Variants in UBA6 observed in about 807,000 individuals in gnomAD.
The protein encoded by UBA6 is ubiquitin like modifier activating enzyme 6.
UBA6 carries 87 observed loss-of-function variants against 148.3 expected under a neutral mutation model. The ratio of observed to expected loss-of-function variants is 0.59; its 90% CI spans 0.49 to 0.70. UBA6 has a LOEUF of 0.70. UBA6 is among the 30% of genes least tolerant of loss of function. The pLI is 0.00. For missense variants in UBA6, 1,186 were observed against 1,241.2 expected (o/e 0.96, Z 0.67); for synonymous variants, 376 against 401.0 (o/e 0.94, Z 0.75).
chr4:67,690,956 A>G (rs2109958201), intron 2 of UBA6, among the ~76,000 whole-genome samples: 1 of 152,288 alleles, frequency 6.6e-6, no homozygotes, highest in East Asian at 1.9e-4. Flanking sequence ...TTATTTCTCC[A>G]AAAGAATTAG....
At position 67,617,835 on chromosome 4, in the gene UBA6, G is replaced by T. The variant is rs1414423556; in HGVS notation, c.*1162C>A. 2 of 151,822 alleles carry T rather than the reference G, an allele frequency of 1.3e-5. No homozygotes were observed. The highest frequency in any genetic ancestry group is 3.9e-4 in the East Asian group (2 of 5,184). 9.4% of individuals were successfully genotyped at this position (151,822 alleles called of 1,614,324 possible). On this transcript the variant is annotated 3_prime_UTR_variant, in exon 33 of 33. Coordinates refer to ENST00000322244, the MANE Select transcript of UBA6 (RefSeq NM_018227.6). ...ATGCATGACAGTCTTAGTAATAAAA[G>T]AATCATTTACTATTTTCACTGAGTT...
chr4:67,696,111 C>G (rs1357941340), intron 2 of UBA6, among the ~76,000 whole-genome samples: 1 of 151,588 alleles, frequency 6.6e-6, no homozygotes, highest in Non-Finnish European at 1.5e-5. Context: ...CTATAAATTA[C>G]AGAACAGGAA....
rs1419319002 is a variant in UBA6 at position 67,632,878 on chromosome 4, A to G, written c.2142+467T>C. On this transcript the variant is annotated intron_variant, in intron 23 of 32. Coordinates refer to ENST00000322244, the MANE Select transcript of UBA6 (RefSeq NM_018227.6). The stretch of plus-strand genomic sequence containing the variant: ...GGAAGATGAACTTAAGATCCTAAAG[A>G]GAGGGAAAGACTAAAGAGAAGGCAA... Among the ~76,000 whole-genome samples, 4 of 152,248 alleles carry G rather than the reference A, an allele frequency of 2.6e-5. No individual in the cohort carries two copies. In the East Asian group the frequency reaches 7.7e-4, roughly 29 times the overall value.
intron 22 of UBA6, 87 bp downstream of exon 22, chr4:67,634,155 G>A (rs2109904568): frequency 2.4e-6 from 2 of 839,134 alleles, no homozygotes; most frequent in Non-Finnish European, 3.6e-6. Flanking sequence ...CTTTATGGAG[G>A]TAAAATAAAT....
In UBA6 at chr4:67,634,261, G is replaced by A; in HGVS notation, c.1994C>T (p.Ser665Phe). Residue 665 changes from serine (S) to phenylalanine (F), a missense_variant, in exon 22 of 33, where the codon TCT (serine) becomes TTT (phenylalanine). Physicochemically the swap from Ser to Phe is radical, Grantham distance 155. Coordinates refer to ENST00000322244, the MANE Select transcript of UBA6 (RefSeq NM_018227.6). ...LFNKFWQTYSSAEEVLQKIQS... is the reference protein window; with the variant it reads ...LFNKFWQTYSFAEEVLQKIQS... ...TTTTACCTGTAAGACTTCTTCTGCA[G>A]ATGAATAGGTTTGCCAAAATTTGTT... The A allele has an allele frequency of 6.3e-7, 1 of 1,596,032 alleles. No homozygotes were observed. The highest frequency in any genetic ancestry group is 1.2e-5 in the South Asian group (1 of 86,282).
At chr4:67,668,441 G>A in intron 9 of UBA6, 110 bp downstream of exon 9, 1 of 1,007,774 alleles carries the variant, frequency 9.9e-7, no homozygotes, top group Non-Finnish European at 1.5e-6. Context: ...TTGAGGCCAA[G>A]GGCTTTGGAT....
At chr4:67,645,492 G>A (rs892364562) in intron 16 of UBA6, among the ~76,000 whole-genome samples, 3 of 151,942 alleles carry the variant, frequency 2.0e-5, no homozygotes, top group Non-Finnish European at 2.9e-5. Context: ...CCAGCTACTC[G>A]GGAGGCTGAG....
chr4:67,624,016 CA>C lies in UBA6; in HGVS notation c.2840+109del. 3.2e-6 allele frequency: 3 copies of C among 923,176 alleles called. No individual in the cohort carries two copies. The South Asian group carries it at 7.2e-5, about 22-fold the overall frequency. 57.2% of individuals were successfully genotyped at this position (923,176 alleles called of 1,614,324 possible). A position where few individuals can be genotyped will look rare whatever the true frequency, so the allele number is the denominator to read the frequency against. On this transcript the variant is annotated intron_variant, in intron 30 of 32. Coordinates refer to ENST00000322244, the MANE Select transcript of UBA6 (RefSeq NM_018227.6). Reference sequence around the variant, plus strand: ...ATCTTGAAGTGATGGCAAAAATTTACACATACACAATAGAAGAAAAAAGAGG... The same window carrying C: ...ATCTTGAAGTGATGGCAAAAATTTACCATACACAATAGAAGAAAAAAGAGG...
intron 5 of UBA6, 108 bp from the exon 6 acceptor site, chr4:67,677,830 C>T: frequency 1.8e-6 from 1 of 543,894 alleles, no homozygotes. Flanking sequence ...TACAAAATTT[C>T]AATGGAAACT....
rs1728569442 is a variant in UBA6, at chr4:67,613,193, C to T, written c.*5804G>A. ...ACTGGATCAAAATAATCCTAAATTA[C>T]TAATGCAGGTACCTGCCAGAAGCAA... On this transcript the variant is annotated 3_prime_UTR_variant, in exon 33 of 33. Coordinates refer to ENST00000322244, the MANE Select transcript of UBA6 (RefSeq NM_018227.6). The T allele has an allele frequency of 6.6e-6, 1 of 152,156 alleles. No individual in the cohort carries two copies. The highest frequency in any genetic ancestry group is 2.4e-5 in the African/African-American group (1 of 41,434). 9.4% of individuals were successfully genotyped at this position (152,156 alleles called of 1,614,324 possible). A position where few individuals can be genotyped will look rare whatever the true frequency, so the allele number is the denominator to read the frequency against.
chr4:67,654,505 C>G (rs543579559), intron 13 of UBA6, among the ~76,000 whole-genome samples: 50 of 152,228 alleles, frequency 3.3e-4, no homozygotes, highest in African/African-American at 1.2e-3. Context: ...TTTGTCACCA[C>G]CAGACCTGCC....
chr4:67,696,587 T>C (rs1341676699), intron 2 of UBA6, 58 bp downstream of exon 2: 1 of 1,367,474 alleles, frequency 7.3e-7, no homozygotes, highest in African/African-American at 1.4e-5. Context: ...AGAGACTACT[T>C]GATTATTTGA....
intron 12 of UBA6, 102 bp downstream of exon 12, chr4:67,663,037 G>T: frequency 1.4e-6 from 1 of 724,816 alleles, no homozygotes; most frequent in Non-Finnish European, 2.3e-6. Flanking sequence ...TATATCTATT[G>T]GTATTGTAAT....
rs546444847 is a variant in UBA6, at chr4:67,696,880, T to C, written c.72-173A>G. Among the ~76,000 whole-genome samples the C allele has an allele frequency of 1.7e-4, 26 of 152,374 alleles. No homozygotes were observed. In the South Asian group the frequency reaches 4.8e-3, roughly 28 times the overall value. ...GCCTGAAATTAAATTATCGGATTGCTTGTTCTATCCTGTGTAAATTTTAAG... is the reference window on the plus strand; with the variant it reads ...GCCTGAAATTAAATTATCGGATTGCCTGTTCTATCCTGTGTAAATTTTAAG... On this transcript the variant is annotated intron_variant, in intron 1 of 32. Coordinates refer to ENST00000322244, the MANE Select transcript of UBA6 (RefSeq NM_018227.6).
Position 67,632,403 on chromosome 4 carries a change from C to T in UBA6, c.2143-495G>A, listed in dbSNP as rs191282973. Among the ~76,000 whole-genome samples the T allele has an allele frequency of 3.9e-5, 6 of 152,146 alleles. No homozygotes were observed. The East Asian group carries it at 5.8e-4, about 15-fold the overall frequency. On this transcript the variant is annotated intron_variant, in intron 23 of 32. Coordinates refer to ENST00000322244, the MANE Select transcript of UBA6 (RefSeq NM_018227.6). ...TTATCTATGAATTGATAACTGCTAA[C>T]CCTGGGTGATAGGTAATTGACAATT...
At position 67,614,671 on chromosome 4, in the gene UBA6, T is replaced by C. The variant is rs1179609676; in HGVS notation, c.*4326A>G. 6.6e-6 allele frequency: 1 copy of C among 152,150 alleles called. No homozygotes were observed. The highest frequency in any genetic ancestry group is 1.5e-5 in the Non-Finnish European group (1 of 68,012). 9.4% of individuals were successfully genotyped at this position (152,150 alleles called of 1,614,324 possible). A position where few individuals can be genotyped will look rare whatever the true frequency, so the allele number is the denominator to read the frequency against. Reference sequence around the variant, plus strand: ...TGACTCCAGGGTAGGGAATGGTTTTTTAAAACAACTCACGCTCTAATTTTA... The same window carrying C: ...TGACTCCAGGGTAGGGAATGGTTTTCTAAAACAACTCACGCTCTAATTTTA... On this transcript the variant is annotated 3_prime_UTR_variant, in exon 33 of 33. Transcript: ENST00000322244.
At chr4:67,646,667 C>A (rs1729427761) in intron 15 of UBA6, 57 bp downstream of exon 15, 1 of 1,358,480 alleles carries the variant, frequency 7.4e-7, no homozygotes. Context: ...TATGTTTAGA[C>A]AAAACTTTTA....
intron 2 of UBA6, among the ~76,000 whole-genome samples, chr4:67,692,529 T>G (rs548556181): frequency 2.6e-5 from 4 of 152,272 alleles, no homozygotes; most frequent in African/African-American, 9.6e-5. Context: ...TCCGGCTACA[T>G]AACAAGCAGG....
At chr4:67,665,079 C>A in intron 10 of UBA6, 110 bp downstream of exon 10, 6 of 585,010 alleles carry the variant, frequency 1.0e-5, no homozygotes, top group South Asian at 3.4e-5. Flanking sequence ...AAAATAAAAA[C>A]AAATTCTGTT....
Sources: allele counts gnomAD v4.1 joint callset (sites outside exome capture counted in the v4.1 genomes callset), GRCh38; gene constraint gnomAD v4.1.1; transcripts MANE v1.5; gene names NCBI Gene and HGNC (gene_info 2026-07-23, HGNC 2026-07-21).